The following CHSY1 variants were observed in gnomAD, a reference collection of about 807,000 sequenced individuals.
CHSY1 encodes the protein chondroitin sulfate synthase 1.
Under a neutral mutation model 59.8 loss-of-function variants are expected in CHSY1, and 13 were observed. The observed-to-expected ratio is 0.22, with a 90% CI of 0.14 to 0.35. CHSY1 has a LOEUF of 0.35. Among genes scored for constraint, CHSY1 ranks in the 10% least tolerant of loss-of-function variants. The pLI is 1.00. For missense variants in CHSY1, 947 were observed against 1,030.6 expected (o/e 0.92, Z 1.11); for synonymous variants, 459 against 401.2 (o/e 1.14, Z -1.72).
intron 1 of CHSY1, among the ~76,000 whole-genome samples, chr15:101,245,496 C>T (rs1007636340): frequency 3.3e-5 from 5 of 152,220 alleles, no homozygotes; most frequent in Admixed American, 6.5e-5. Flanking sequence ...CCAATACCAT[C>T]GCTCGTTTCC....
At chr15:101,181,813 G>GCAGT (rs1197583128) in intron 2 of CHSY1, among the ~76,000 whole-genome samples, 1 of 152,114 alleles carries the variant, frequency 6.6e-6, no homozygotes, top group East Asian at 1.9e-4. Context: ...GACTCCTCAT[G>GCAGT]CAGTCAAAAA....
intron 2 of CHSY1, among the ~76,000 whole-genome samples, chr15:101,209,226 A>C (rs1245653394): frequency 6.6e-6 from 1 of 152,230 alleles, no homozygotes; most frequent in Non-Finnish European, 1.5e-5. Context: ...AGAACACAGC[A>C]ACGCTTCTGT....
Position 101,251,163 on chromosome 15 carries a change from C to T in CHSY1, c.294G>A (p.Leu98=). Residue 98 remains leucine, a synonymous_variant, in exon 1 of 3, where the codon CTG becomes CTA. Transcript: ENST00000254190. ...FVGVMTAQKY[L]QTRAVAAYRT... Reference sequence around the variant, plus strand: ...TGTAGGCGGCCACGGCCCGAGTCTGCAGGTATTTCTGGGCGGTCATGACTC... The same window carrying T: ...TGTAGGCGGCCACGGCCCGAGTCTGTAGGTATTTCTGGGCGGTCATGACTC... 6.3e-7 allele frequency: 1 copy of T among 1,596,246 alleles called. No homozygotes were observed. The highest frequency in any genetic ancestry group is 8.5e-7 in the Non-Finnish European group (1 of 1,174,840).
At chr15:101,239,714 T>TACGTTTCTGGCCA (rs113892335) in intron 1 of CHSY1, among the ~76,000 whole-genome samples, 1 of 151,882 alleles carries the variant, frequency 6.6e-6, no homozygotes, top group Non-Finnish European at 1.5e-5. Flanking sequence ...AAATGCTTCT[T>TACGTTTCTGGCCA]AAAACCTGAG....
At chr15:101,225,394 A>G (rs989993524) in intron 2 of CHSY1, among the ~76,000 whole-genome samples, 1 of 152,160 alleles carries the variant, frequency 6.6e-6, no homozygotes, top group African/African-American at 2.4e-5. Context: ...GAATATTGAT[A>G]TACGTTTTAA....
intron 2 of CHSY1, among the ~76,000 whole-genome samples, chr15:101,219,746 T>A (rs557884529): frequency 6.6e-6 from 1 of 152,174 alleles, no homozygotes; most frequent in African/African-American, 2.4e-5. Context: ...ACATACCCCA[T>A]CCTTGTCCAC....
intron 2 of CHSY1, among the ~76,000 whole-genome samples, chr15:101,187,203 G>A (rs907990640): frequency 2.5e-4 from 38 of 152,282 alleles, no homozygotes; most frequent in Admixed American, 2.4e-3. Flanking sequence ...TTTTGGGCCG[G>A]GCCAGTGGCT....
intron 2 of CHSY1, among the ~76,000 whole-genome samples, chr15:101,213,600 T>C (rs2038703233): frequency 6.6e-6 from 1 of 152,198 alleles, no homozygotes; most frequent in Admixed American, 6.5e-5. Context: ...TAAATCCTGT[T>C]TATCAAATGT....
chr15:101,233,404 C>T (rs115819771), intron 2 of CHSY1, among the ~76,000 whole-genome samples: 232 of 152,256 alleles, frequency 1.5e-3, no homozygotes, highest in African/African-American at 4.3e-3. Flanking sequence ...GTTGGCTTCT[C>T]GGAGATGATG....
rs371508474 is a variant in CHSY1 at position 101,235,195 on chromosome 15, T to C, written c.703A>G (p.Met235Val). ...VIMSREVLRRMVPHIGKCLRE... is the reference protein window; with the variant it reads ...VIMSREVLRRVVPHIGKCLRE... ...AGACACTTGCCAATGTGCGGCACCATTCTCCGAAGCACCTCCCGGCTCATG... is the reference window on the plus strand; with the variant it reads ...AGACACTTGCCAATGTGCGGCACCACTCTCCGAAGCACCTCCCGGCTCATG... Residue 235 changes from methionine to valine, a missense_variant, in exon 2 of 3, where the codon ATG becomes GTG. Met to Val is a conservative substitution (Grantham distance 21). Coordinates refer to ENST00000254190, the MANE Select transcript of CHSY1 (RefSeq NM_014918.5). The C allele has an allele frequency of 7.4e-6, 12 of 1,613,788 alleles. No homozygotes were observed. The highest frequency in any genetic ancestry group is 2.7e-5 in the African/African-American group (2 of 74,872).
intron 2 of CHSY1, among the ~76,000 whole-genome samples, chr15:101,211,358 G>C (rs975016499): frequency 2.6e-5 from 4 of 152,170 alleles, no homozygotes; most frequent in Non-Finnish European, 5.9e-5. Flanking sequence ...TGTGATGGCA[G>C]ATTAGATACA....
intron 1 of CHSY1, among the ~76,000 whole-genome samples, chr15:101,242,359 T>C (rs545185445): frequency 6.6e-6 from 1 of 152,344 alleles, no homozygotes; most frequent in African/African-American, 2.4e-5. Context: ...AGTGCTCTTG[T>C]GCTGAGACCT....
chr15:101,218,889 A>T (rs370353566), intron 2 of CHSY1, among the ~76,000 whole-genome samples: 4 of 152,360 alleles, frequency 2.6e-5, no homozygotes, highest in African/African-American at 9.6e-5. Context: ...AAAATTCTCA[A>T]CATTTCAACT....
rs527333012 is a variant in CHSY1 at position 101,189,322 on chromosome 15, G to A, written c.817-10342C>T. The A allele has an allele frequency of 3.2e-3, 1,667 of 513,712 alleles. 7 individuals carry two copies. The highest frequency in any genetic ancestry group is 3.9e-3 in the Admixed American group (61 of 15,706). The allele number at this position is 513,712 out of a possible 1,614,324, so 31.8% of individuals were successfully genotyped here. On this transcript the variant is annotated intron_variant, in intron 2 of 2. Transcript: ENST00000254190. ...CAGTCAACACGGACCACACACCAGC[G>A]TCACACGTGACCCAACATGTCTCTA... is the stretch of plus-strand genomic sequence containing the variant.
rs2039108011 is a variant in CHSY1 at position 101,251,266 on chromosome 15, T to G, written c.191A>C (p.Asp64Ala). The stretch of plus-strand genomic sequence containing the variant: ...CGGCCAGAGCTGCGCCCCGCGCGCA[T>G]CGCCGCGCGCCCCGCCGGCCTGGGA... Reference protein sequence around the residue: ...AASQAGGARGDARGAQLWPPG... With the variant: ...AASQAGGARGAARGAQLWPPG... The change falls in exon 1 of 3, where the codon GAT (aspartate) becomes GCT (alanine). Residue 64 changes from aspartate to alanine, a missense_variant. Transcript: ENST00000254190. 10 of 1,356,556 alleles carry G rather than the reference T, an allele frequency of 7.4e-6. No homozygotes were observed. Among genetic ancestry groups the G allele is most frequent in the South Asian group, 5.3e-5 (3 of 56,786 alleles). 84.0% of individuals were successfully genotyped at this position (1,356,556 alleles called of 1,614,324 possible). A position where few individuals can be genotyped will look rare whatever the true frequency, so the allele number is the denominator to read the frequency against.
intron 2 of CHSY1, among the ~76,000 whole-genome samples, chr15:101,231,386 GGAAACCTGAGGCACC>G (rs1391721350): frequency 6.6e-6 from 1 of 152,186 alleles, no homozygotes; most frequent in Non-Finnish European, 1.5e-5. Context: ...ATGATACGCA[GGAAACCTGAGGCACC>G]ATGATGGCTA....
chr15:101,200,292 C>T (rs529225654), intron 2 of CHSY1, among the ~76,000 whole-genome samples: 44 of 152,142 alleles, frequency 2.9e-4, no homozygotes, highest in Non-Finnish European at 4.9e-4. Context: ...TGCCATCTAT[C>T]GACAAAATTA....
intron 2 of CHSY1, among the ~76,000 whole-genome samples, chr15:101,231,326 C>T (rs148845692): frequency 1.3e-5 from 2 of 152,260 alleles, no homozygotes; most frequent in East Asian, 3.9e-4. Context: ...ATTACGCTAC[C>T]ATTCATGTAA....
In CHSY1 at chr15:101,235,982, T is replaced by C. The variant is rs142129522; in HGVS notation, c.321-405A>G. Reference sequence around the variant, plus strand: ...TTTTCTTTGAACCAAGTGCCAAGTATGTGCTAAGCTAAAGGGATGTGGTGG... The same window carrying C: ...TTTTCTTTGAACCAAGTGCCAAGTACGTGCTAAGCTAAAGGGATGTGGTGG... On this transcript the variant is annotated intron_variant, in intron 1 of 2. Coordinates refer to ENST00000254190, the MANE Select transcript of CHSY1 (RefSeq NM_014918.5). Among the ~76,000 whole-genome samples, 140 of 152,284 alleles carry C rather than the reference T, an allele frequency of 9.2e-4. 1 individual carries two copies. The highest frequency in any genetic ancestry group is 1.1e-3 in the Non-Finnish European group (77 of 68,026).
Sources: gnomAD v4.1 joint callset for allele counts (sites outside exome capture counted in the v4.1 genomes callset) on GRCh38, gnomAD v4.1.1 for gene constraint, MANE v1.5 for transcripts, NCBI Gene and HGNC (gene_info 2026-07-23, HGNC 2026-07-21) for gene names.